SEMA3A: variants seen among roughly 807,000 people sequenced by gnomAD.
SEMA3A encodes the protein semaphorin-3A.
SEMA3A carries 29 observed loss-of-function variants against 97.9 expected under a neutral mutation model. The ratio of observed to expected loss-of-function variants is 0.30; its 90% confidence interval spans 0.22 to 0.40. The LOEUF is 0.40. Ranked by LOEUF, SEMA3A falls within the 10% of genes least tolerant of loss-of-function variation. SEMA3A has a pLI of 1.00. For missense variants in SEMA3A, 763 were observed against 951.3 expected, an observed-to-expected ratio of 0.80 and a Z score of 2.60; for synonymous variants, 321 against 323.7, an observed-to-expected ratio of 0.99 and a Z score of 0.09.
intron 15 of SEMA3A, among the ~76,000 whole-genome samples, chr7:83,974,627 C>T (rs1032119309): frequency 9.2e-5 from 14 of 152,238 alleles, no homozygotes; most frequent in Middle Eastern, 6.8e-3. Context: ...GCCCATTTTA[C>T]TTTCAAATAC....
chr7:84,448,864 CA>C, intron 1 of SEMA3A, among the ~76,000 whole-genome samples: 2 of 151,498 alleles, frequency 1.3e-5, no homozygotes, highest in Middle Eastern at 6.8e-3. Context: ...AGAAGAATGG[CA>C]AATCTGGGGG....
chr7:84,270,940 G>T (rs1800133230), intron 3 of SEMA3A, among the ~76,000 whole-genome samples: 1 of 151,706 alleles, frequency 6.6e-6, no homozygotes, highest in Non-Finnish European at 1.5e-5. Context: ...ATCCTACCTG[G>T]TTCACCTATT....
intron 1 of SEMA3A, among the ~76,000 whole-genome samples, chr7:84,427,477 T>C (rs1804857058): frequency 6.6e-6 from 1 of 151,394 alleles, no homozygotes; most frequent in African/African-American, 2.4e-5. Flanking sequence ...TGAAACCCTG[T>C]CTCTACTAAA....
At position 84,131,771 on chromosome 7, in the gene SEMA3A, A is replaced by ATTAT. The variant is rs139368318; in HGVS notation, c.271-2590_271-2587dup. 7.6e-3 allele frequency among the ~76,000 whole-genome samples: 1,134 copies of ATTAT among 148,970 alleles called. 13 individuals are homozygous for ATTAT. The highest frequency in any genetic ancestry group is 0.021 in the Middle Eastern group (6 of 288). On this transcript the variant is annotated intron_variant, in intron 2 of 16. Transcript: ENST00000265362. ...ACACTCCAAATATATGTATAAACAA[A>ATTAT]TTATTTATTTATTTATTTATTTATT... is the stretch of plus-strand genomic sequence containing the variant.
In SEMA3A at chr7:84,105,672, C is replaced by T. The variant is rs77887151; in HGVS notation, c.453+4798G>A. ...TTGAGAAAACATCCTGAGACATCTT[C>T]GAAAATCTGTACTTCTCCTAAATTC... is the stretch of plus-strand genomic sequence containing the variant. On this transcript the variant is annotated intron_variant, in intron 4 of 16. Coordinates refer to ENST00000265362, the MANE Select transcript of SEMA3A (RefSeq NM_006080.3). 1.3e-3 allele frequency among the ~76,000 whole-genome samples: 203 copies of T among 152,042 alleles called. 1 individual carries two copies. The East Asian group carries it at 0.017, about 13-fold the overall frequency.
Position 84,127,582 on chromosome 7 carries a change from A to G in SEMA3A, c.333+1541T>C, listed in dbSNP as rs566000745. On this transcript the variant is annotated intron_variant, in intron 3 of 16. Transcript: ENST00000265362. ...ATAATAACTATATGTTTAATATATA[A>G]TTTTCAAGGATGAATTTCCCATGTT... Among the ~76,000 whole-genome samples, 14 of 152,302 alleles carry G rather than the reference A, an allele frequency of 9.2e-5. 1 individual carries two copies. In the South Asian group the frequency reaches 2.9e-3, roughly 32 times the overall value.
At chr7:84,025,264 G>T (rs992952395) in intron 6 of SEMA3A, among the ~76,000 whole-genome samples, 1 of 152,058 alleles carries the variant, frequency 6.6e-6, no homozygotes, top group Non-Finnish European at 1.5e-5. Context: ...CAATATCACA[G>T]CCTCAGGCTT....
chr7:84,355,416 A>G (rs1174364351), intron 2 of SEMA3A, among the ~76,000 whole-genome samples: 1 of 151,904 alleles, frequency 6.6e-6, no homozygotes, highest in Non-Finnish European at 1.5e-5. Context: ...TTATGTAGGA[A>G]AAATTCATCA....
At position 84,140,004 on chromosome 7, in the gene SEMA3A, T is replaced by C. The variant is rs117769303; in HGVS notation, c.113-5053A>G. Among the ~76,000 whole-genome samples, 25 of 152,182 alleles carry C rather than the reference T, an allele frequency of 1.6e-4. No individual in the cohort carries two copies. In the East Asian group the frequency reaches 4.8e-3, roughly 29 times the overall value. On this transcript the variant is annotated intron_variant, in intron 1 of 16. Coordinates refer to ENST00000265362, the MANE Select transcript of SEMA3A (RefSeq NM_006080.3). ...TATATTTACTTTTAAAAAGAAGCAT[T>C]TGAAGGGAGAAATTGATAGCAATCA...
At chr7:84,175,134 G>A (rs1336757369) in intron 1 of SEMA3A, among the ~76,000 whole-genome samples, 2 of 152,122 alleles carry the variant, frequency 1.3e-5, no homozygotes, top group African/African-American at 2.4e-5. Context: ...AACGGACATG[G>A]AGATTCTAGC....
At chr7:84,047,703 T>G (rs1792409424) in intron 5 of SEMA3A, among the ~76,000 whole-genome samples, 1 of 152,090 alleles carries the variant, frequency 6.6e-6, no homozygotes. Flanking sequence ...ATCTTAATAT[T>G]ATCTTGTTGA....
rs1246910835 is a variant in SEMA3A, at chr7:83,963,265, C to A, written c.1800G>T (p.Lys600Asn). The A allele has an allele frequency of 2.5e-6, 4 of 1,613,650 alleles. No individual in the cohort carries two copies. The highest frequency in any genetic ancestry group is 3.3e-5 in the Admixed American group (2 of 60,002). Residue 600 changes from lysine to asparagine, a missense_variant, in exon 16 of 17, where the codon AAG becomes AAT. By Grantham distance (94) the Lys-to-Asn change is moderately conservative. Transcript: ENST00000265362. ...NSSTFLECSP[K>N]SQRALVYWQF... ...GCCAATAGACCAGCGCTCTCTGCGA[C>A]TTCGGACTGCATTCCAAAAATGTGC...
chr7:84,181,718 T>C (rs1030557442), intron 1 of SEMA3A, among the ~76,000 whole-genome samples: 2 of 152,208 alleles, frequency 1.3e-5, no homozygotes, highest in Non-Finnish European at 1.5e-5. Context: ...AGTTGTTCTT[T>C]GTGATGTGGT....
intron 16 of SEMA3A, 142 bp from the exon 17 acceptor site, chr7:83,961,968 G>T: frequency 1.8e-6 from 1 of 568,906 alleles, no homozygotes. Flanking sequence ...TAAGAGAAGT[G>T]ATAGCATTTT....
chr7:84,071,454 A>C (rs548090823), intron 4 of SEMA3A, among the ~76,000 whole-genome samples: 1 of 152,244 alleles, frequency 6.6e-6, no homozygotes, highest in Non-Finnish European at 1.5e-5. Flanking sequence ...TTTTTAGGCC[A>C]GGAGTTATGC....
At chr7:84,064,354 G>A (rs1793389016) in intron 4 of SEMA3A, among the ~76,000 whole-genome samples, 1 of 152,026 alleles carries the variant, frequency 6.6e-6, no homozygotes. Flanking sequence ...GGAATAAACT[G>A]CATCAACTAA....
chr7:84,148,626 AT>A (rs1279612074), intron 1 of SEMA3A, among the ~76,000 whole-genome samples: 1 of 152,160 alleles, frequency 6.6e-6, no homozygotes, highest in Non-Finnish European at 1.5e-5. Context: ...TTGATATATT[AT>A]AACTTTTCTA....
intron 15 of SEMA3A, among the ~76,000 whole-genome samples, chr7:83,970,957 T>C (rs1788887737): frequency 6.6e-6 from 1 of 152,304 alleles, no homozygotes; most frequent in South Asian, 2.1e-4. Context: ...TCTGCAGAAA[T>C]ACAATAGATG....
intron 2 of SEMA3A, among the ~76,000 whole-genome samples, chr7:84,346,930 T>C (rs190931238): frequency 1.7e-3 from 260 of 152,212 alleles, no homozygotes; most frequent in African/African-American, 6.0e-3. Flanking sequence ...TCCCATATAG[T>C]AATGGCAAAT....
Sources: allele counts gnomAD v4.1 joint callset (sites outside exome capture counted in the v4.1 genomes callset), GRCh38; gene constraint gnomAD v4.1.1; transcripts MANE v1.5; gene names NCBI Gene and HGNC (gene_info 2026-07-23, HGNC 2026-07-21).